STAB2: variants seen among roughly 807,000 people sequenced by gnomAD.
STAB2 encodes the protein stabilin 2.
A neutral mutation model predicts 338.1 loss-of-function variants in STAB2; 288 were observed. The observed-to-expected ratio is 0.85, with a 90% confidence interval of 0.77 to 0.94. The LOEUF (loss-of-function observed/expected upper bound fraction) is 0.94. Among genes scored for constraint, STAB2 ranks in the 40% least tolerant of loss-of-function variants. The pLI is 0.00. For missense variants in STAB2, 3,141 were observed against 3,210.1 expected (o/e 0.98, Z 0.52); for synonymous variants, 1,202 against 1,193.3 (o/e 1.01, Z -0.15).
At chr12:103,728,813 T>C (rs1881411172) in intron 47 of STAB2, 36 bp from the exon 48 acceptor site, 1 of 1,610,886 alleles carries the variant, frequency 6.2e-7, no homozygotes. Flanking sequence ...AAAAGACTCC[T>C]GCCTCTGGCT....
chr12:103,766,167 C>A, intron 68 of STAB2, 119 bp from the exon 69 acceptor site: 2 of 1,342,608 alleles, frequency 1.5e-6, no homozygotes, highest in Non-Finnish European at 2.1e-6. Flanking sequence ...ACACGCCCAG[C>A]ACATACGTGT....
rs1252429332 is a variant in STAB2, at chr12:103,758,303, C to T, written c.7107+14C>T. 1.2e-6 allele frequency: 2 copies of T among 1,612,310 alleles called. No homozygotes were observed. Among genetic ancestry groups the T allele is most frequent in the Non-Finnish European group, 1.7e-6 (2 of 1,180,026 alleles). ...GGGGAGAATGAGGTGAGTTGAGTCC[C>T]TGGTGCCTTTGCTTTAGACTAGCAT... On this transcript the variant is annotated intron_variant, in intron 64 of 68. Coordinates refer to ENST00000388887, the MANE Select transcript of STAB2 (RefSeq NM_017564.10).
chr12:103,621,870 A>G (rs922864486), intron 4 of STAB2, among the ~76,000 whole-genome samples, 172 bp from the exon 5 acceptor site: 7 of 152,252 alleles, frequency 4.6e-5, no homozygotes, highest in Admixed American at 4.6e-4. Context: ...ACAAAATGAC[A>G]TGGGGATTAA....
intron 48 of STAB2, 27 bp downstream of exon 48, chr12:103,729,022 C>G: frequency 6.2e-7 from 1 of 1,611,732 alleles, no homozygotes; most frequent in African/African-American, 1.3e-5. Context: ...CTTAGGTCCT[C>G]TCTCCCCTAG....
At position 103,690,305 on chromosome 12, in the gene STAB2, A is replaced by G. The variant is rs1877813512; in HGVS notation, c.3183-119A>G. On this transcript the variant is annotated intron_variant, in intron 29 of 68. Transcript: ENST00000388887. ...AACTCTAGCCAAGGCTGGTAACTGC[A>G]GGGGGAACTTGAATTTTGACTATGG... 73 of 900,314 alleles carry G rather than the reference A, an allele frequency of 8.1e-5. No homozygotes were observed. In the South Asian group the frequency reaches 1.3e-3, roughly 16 times the overall value. 55.8% of individuals were successfully genotyped at this position (900,314 alleles called of 1,614,324 possible). A position where few individuals can be genotyped will look rare whatever the true frequency, so the allele number is the denominator to read the frequency against.
intron 9 of STAB2, among the ~76,000 whole-genome samples, chr12:103,641,187 G>A (rs892148603): frequency 6.6e-6 from 1 of 152,162 alleles, no homozygotes; most frequent in African/African-American, 2.4e-5. Context: ...GGAAGTTCAC[G>A]CCTTTTATAA....
chr12:103,641,782 A>T (rs1872944655), intron 9 of STAB2, among the ~76,000 whole-genome samples: 1 of 152,206 alleles, frequency 6.6e-6, no homozygotes, highest in Admixed American at 6.5e-5. Flanking sequence ...TAACATTGTG[A>T]TGTTAGGGGT....
intron 15 of STAB2, 77 bp from the exon 16 acceptor site, chr12:103,660,254 C>A: frequency 2.1e-6 from 3 of 1,448,338 alleles, no homozygotes; most frequent in South Asian, 1.1e-5. Flanking sequence ...TGTCTAACGT[C>A]ATTTGAAGAG....
At chr12:103,627,432 AC>A (rs1957397653) in intron 5 of STAB2, among the ~76,000 whole-genome samples, 2 of 152,330 alleles carry the variant, frequency 1.3e-5, no homozygotes, top group East Asian at 3.9e-4. Flanking sequence ...CATCCCTCTG[AC>A]CAGCACGGCC....
Position 103,733,149 on chromosome 12 carries a change from G to A in STAB2, c.5427G>A (p.Glu1809=). ...AAGACAACAAGGACAAGCTGAAGGAGTATTTGAAGTTTCATGTGATACGAG... is the reference window on the plus strand; with the variant it reads ...AAGACAACAAGGACAAGCTGAAGGAATATTTGAAGTTTCATGTGATACGAG... ...FNQDNKDKLK[E]YLKFHVIRDA... is the part of the protein sequence containing the mutation. The change falls in exon 51 of 69, where the codon GAG becomes GAA. Residue 1809 remains glutamate, a synonymous_variant. Transcript: ENST00000388887. The A allele has an allele frequency of 6.2e-7, 1 of 1,614,106 alleles. No individual in the cohort carries two copies. Among genetic ancestry groups the A allele is most frequent in the Non-Finnish European group, 8.5e-7 (1 of 1,180,002 alleles).
intron 55 of STAB2, among the ~76,000 whole-genome samples, chr12:103,742,072 C>T (rs1350213159): frequency 6.7e-6 from 1 of 148,446 alleles, no homozygotes; most frequent in Non-Finnish European, 1.5e-5. Flanking sequence ...GTCAAGCAGA[C>T]ACTGTATCAT....
chr12:103,633,159 G>T (rs557462347), intron 6 of STAB2, among the ~76,000 whole-genome samples: 1 of 152,282 alleles, frequency 6.6e-6, no homozygotes, highest in African/African-American at 2.4e-5. Context: ...CTGCCAGTGT[G>T]CAGTGGACTC....
chr12:103,759,942 A>C (rs1884415845), intron 65 of STAB2, among the ~76,000 whole-genome samples: 2 of 152,242 alleles, frequency 1.3e-5, no homozygotes, highest in African/African-American at 4.8e-5. Context: ...GAAATGATAC[A>C]TTTGTGGAAA....
chr12:103,740,778 T>A, intron 55 of STAB2, 22 bp downstream of exon 55: 1 of 1,552,500 alleles, frequency 6.4e-7, no homozygotes, highest in Non-Finnish European at 8.6e-7. Context: ...TCTTCCCCCC[T>A]CGCAACTCTA....
Position 103,730,114 on chromosome 12 carries a change from A to C in STAB2, c.5083-2A>C. On this transcript the variant is annotated splice_acceptor_variant, in intron 48 of 68. Transcript: ENST00000388887. LOFTEE classifies it high-confidence loss of function. ...TTCTTTTTTGTTTTTGGTTGATTTC[A>C]GAGCACGGTGTATATAAACAATAAG... is the stretch of plus-strand genomic sequence containing the variant. The C allele has an allele frequency of 6.4e-7, 1 of 1,565,704 alleles. No homozygotes were observed. The highest frequency in any genetic ancestry group is 1.4e-5 in the African/African-American group (1 of 72,936).
At chr12:103,711,422 G>A (rs1224946162) in intron 39 of STAB2, 49 bp from the exon 40 acceptor site, 3 of 1,612,124 alleles carry the variant, frequency 1.9e-6, no homozygotes, top group East Asian at 2.2e-5. Flanking sequence ...AAAATCCTCA[G>A]GTGAGATTTA....
chr12:103,622,899 G>A (rs994294478), intron 5 of STAB2, among the ~76,000 whole-genome samples: 4 of 152,254 alleles, frequency 2.6e-5, no homozygotes, highest in Non-Finnish European at 5.9e-5. Context: ...CAATTAAACC[G>A]TGGGCCCCAC....
intron 19 of STAB2, 162 bp from the exon 20 acceptor site, chr12:103,668,481 C>T (rs925251035): frequency 1.9e-5 from 12 of 628,776 alleles, no homozygotes; most frequent in Non-Finnish European, 3.4e-5. Context: ...AAAGGGTGTC[C>T]AAGCTCTGAT....
At chr12:103,710,710 T>G (rs1879775612) in intron 39 of STAB2, among the ~76,000 whole-genome samples, 1 of 152,176 alleles carries the variant, frequency 6.6e-6, no homozygotes, top group African/African-American at 2.4e-5. Context: ...TCCAGCCCAT[T>G]TGAGTCTAAA....
Sources: gnomAD v4.1 joint callset for allele counts (sites outside exome capture counted in the v4.1 genomes callset) on GRCh38, gnomAD v4.1.1 for gene constraint, MANE v1.5 for transcripts, NCBI Gene and HGNC (gene_info 2026-07-23, HGNC 2026-07-21) for gene names.